The following SKOR2 variants were observed in gnomAD, a reference collection of about 807,000 sequenced individuals.
SKOR2 encodes the protein SKI family transcriptional corepressor 2.
SKOR2 carries 47 observed loss-of-function variants against 69.1 expected under a neutral mutation model. That is an observed-to-expected ratio of 0.68 (90% CI 0.54 to 0.87). The LOEUF (loss-of-function observed/expected upper bound fraction) is 0.87, where lower values mean the gene tolerates loss of function less well. Ranked by LOEUF, SKOR2 falls within the 40% of genes least tolerant of loss-of-function variation. SKOR2 has a pLI of 0.00. For missense variants in SKOR2, 1,404 were observed against 1,472.2 expected (o/e 0.95, Z 0.76); for synonymous variants, 717 against 672.6 (o/e 1.07, Z -1.02).
rs186419788 is a variant in SKOR2 at position 47,220,902 on chromosome 18, T to G, written c.2918-892A>C. Among the ~76,000 whole-genome samples the G allele has an allele frequency of 2.6e-5, 4 of 152,308 alleles. 1 individual carries two copies. In the East Asian group the frequency reaches 7.7e-4, roughly 29 times the overall value. On this transcript the variant is annotated intron_variant, in intron 6 of 8. Coordinates refer to ENST00000425639, the MANE Select transcript of SKOR2 (RefSeq NM_001278063.4). ...TTTTCTTCTCCTTTTCCTTTCATCT[T>G]CACAGCCAACTGGTGTGTGAGTTCT...
At chr18:47,244,783 T>C in intron 4 of SKOR2, 125 bp downstream of exon 4, 1 of 799,168 alleles carries the variant, frequency 1.3e-6, no homozygotes, top group South Asian at 2.3e-5. Flanking sequence ...TTTTTCTTAG[T>C]TATATCTACT....
chr18:47,220,108 C>T, intron 6 of SKOR2, 98 bp from the exon 7 acceptor site: 1 of 979,910 alleles, frequency 1.0e-6, no homozygotes, highest in South Asian at 1.6e-5. Context: ...TGGACAGCCC[C>T]CCTACTTTTA....
At chr18:47,249,435 C>T (rs1429718557) in intron 1 of SKOR2, among the ~76,000 whole-genome samples, 1 of 152,198 alleles carries the variant, frequency 6.6e-6, no homozygotes, top group Non-Finnish European at 1.5e-5. Flanking sequence ...CAGGAATTTG[C>T]ACTTCTTAAC....
chr18:47,230,853 TGGA>T lies in SKOR2; in HGVS notation c.2818+79_2818+81del, dbSNP rs984096477. 5.8e-4 allele frequency: 806 copies of T among 1,379,446 alleles called. 2 individuals carry two copies. The African/African-American group carries it at 9.5e-3, about 16-fold the overall frequency. 85.5% of individuals were successfully genotyped at this position (1,379,446 alleles called of 1,614,324 possible). ...GTTGCTTGTCAAGCTAAAAATATGG[TGGA>T]GAACAAAAATATCCTCCTATTATCT... is the stretch of plus-strand genomic sequence containing the variant. On this transcript the variant is annotated intron_variant, in intron 5 of 8. Transcript: ENST00000425639.
At chr18:47,245,477 G>GGTTTTTT (rs762834867) in intron 3 of SKOR2, 21 bp downstream of exon 3, 1 of 517,858 alleles carries the variant, frequency 1.9e-6, no homozygotes, top group Non-Finnish European at 2.6e-6. Context: ...AGTGGCAGCT[G>GGTTTTTT]ATTTTTTTTT....
intron 4 of SKOR2, chr18:47,231,230 C>T (rs547542084): frequency 1.2e-5 from 18 of 1,471,382 alleles, no homozygotes; most frequent in African/African-American, 5.6e-5. Context: ...TGGCAGCTCC[C>T]GAAAAGCAGA....
intron 8 of SKOR2, among the ~76,000 whole-genome samples, chr18:47,210,756 G>A (rs546609189): frequency 6.6e-6 from 1 of 152,064 alleles, no homozygotes; most frequent in Admixed American, 6.6e-5. Flanking sequence ...TCATAGAGAT[G>A]GAAACAGAAT....
At chr18:47,211,398 A>G (rs1336501794) in intron 8 of SKOR2, among the ~76,000 whole-genome samples, 3 of 152,182 alleles carry the variant, frequency 2.0e-5, no homozygotes, top group African/African-American at 7.2e-5. Flanking sequence ...CATTCCCACA[A>G]TTCTAATAAT....
chr18:47,207,464 A>G (rs2064116350), intron 8 of SKOR2, among the ~76,000 whole-genome samples: 1 of 152,178 alleles, frequency 6.6e-6, no homozygotes, highest in Non-Finnish European at 1.5e-5. Context: ...GTGAGACCAC[A>G]GGCAACTTAC....
intron 6 of SKOR2, among the ~76,000 whole-genome samples, chr18:47,230,138 C>T (rs2064192194): frequency 1.3e-5 from 2 of 151,730 alleles, no homozygotes; most frequent in South Asian, 2.1e-4. Flanking sequence ...GTTTTAAAAT[C>T]TATAATCGAA....
chr18:47,247,690 C>G lies in SKOR2; in HGVS notation c.1494G>C (p.Ala498=), dbSNP rs1239379750. The G allele has an allele frequency of 7.3e-7, 1 of 1,366,732 alleles. No homozygotes were observed. The allele number at this position is 1,366,732 out of a possible 1,614,324, so 84.7% of individuals were successfully genotyped here. A position where few individuals can be genotyped will look rare whatever the true frequency, so the allele number is the denominator to read the frequency against. The change falls in exon 2 of 9, where the codon GCG becomes GCC. Residue 498 remains alanine (A), a synonymous_variant. Coordinates refer to ENST00000425639, the MANE Select transcript of SKOR2 (RefSeq NM_001278063.4). The surrounding 1 kb of genome is among the most constrained non-coding windows in gnomAD (Gnocchi z 6.6). ...PPQPPSALGC[A]LGESPALLRQ... ...GCAGCAGGGCCGGGCTTTCGCCTAG[C>G]GCGCAGCCTAGCGCCGAGGGCGGCT...
chr18:47,244,823 C>T (rs1001381033), intron 4 of SKOR2, 85 bp downstream of exon 4: 2 of 1,275,962 alleles, frequency 1.6e-6, no homozygotes, highest in Non-Finnish European at 2.1e-6. Flanking sequence ...TACCCTTGTA[C>T]TAAATATTCA....
chr18:47,220,169 C>T (rs904506809), intron 6 of SKOR2, among the ~76,000 whole-genome samples, 159 bp from the exon 7 acceptor site: 19 of 152,024 alleles, frequency 1.2e-4, no homozygotes, highest in African/African-American at 4.3e-4. Context: ...ATGTTTTCAA[C>T]ACTCTATAAT....
At chr18:47,241,022 T>C (rs1209409977) in intron 4 of SKOR2, among the ~76,000 whole-genome samples, 5 of 152,228 alleles carry the variant, frequency 3.3e-5, no homozygotes, top group African/African-American at 7.2e-5. Context: ...GTTATATAAA[T>C]CTTATCAGAT....
rs2064239074 is a variant in SKOR2 at position 47,239,389 on chromosome 18, GAACT to G, written c.2752+5515_2752+5518del. On this transcript the variant is annotated intron_variant, in intron 4 of 8. Transcript: ENST00000425639. ...CACTGGAAAGCATATGCTACAGAAT[GAACT>G]AACTAAATATTAACTCCATTAGTGA... Among the ~76,000 whole-genome samples the G allele has an allele frequency of 2.6e-5, 4 of 151,918 alleles. No individual in the cohort carries two copies. In the South Asian group the frequency reaches 8.3e-4, roughly 32 times the overall value.
intron 6 of SKOR2, among the ~76,000 whole-genome samples, chr18:47,221,111 C>G (rs1489990773): frequency 6.6e-6 from 1 of 152,182 alleles, no homozygotes; most frequent in Non-Finnish European, 1.5e-5. Context: ...AAATCCTTTA[C>G]CACTCATGAG....
rs917018606 is a variant in SKOR2 at position 47,230,884 on chromosome 18, A to G, written c.2818+51T>C. 5 of 1,493,666 alleles carry G rather than the reference A, an allele frequency of 3.3e-6. No individual in the cohort carries two copies. The African/African-American group carries it at 7.0e-5, about 21-fold the overall frequency. The allele number at this position is 1,493,666 out of a possible 1,614,324, so 92.5% of individuals were successfully genotyped here. A position where few individuals can be genotyped will look rare whatever the true frequency, so the allele number is the denominator to read the frequency against. On this transcript the variant is annotated intron_variant, in intron 5 of 8. Transcript: ENST00000425639. ...ACAAAAATATCCTCCTATTATCTCC[A>G]CAGTCGTTTAAAGCTAAGAGAAGTT...
chr18:47,230,410 A>G, intron 6 of SKOR2, 49 bp downstream of exon 6: 1 of 1,108,112 alleles, frequency 9.0e-7, no homozygotes, highest in Non-Finnish European at 1.2e-6. Flanking sequence ...CTAATAATAG[A>G]AACGTAATCA....
intron 6 of SKOR2, among the ~76,000 whole-genome samples, chr18:47,225,437 G>A (rs773006627): frequency 4.6e-5 from 7 of 152,106 alleles, no homozygotes; most frequent in Non-Finnish European, 1.0e-4. Context: ...TAATCTCTTT[G>A]GGTATAACCC....
Sources: allele counts gnomAD v4.1 joint callset (sites outside exome capture counted in the v4.1 genomes callset), GRCh38; gene constraint gnomAD v4.1.1; non-coding constraint Gnocchi (gnomAD v3.1); transcripts MANE v1.5; gene names NCBI Gene and HGNC (gene_info 2026-07-23, HGNC 2026-07-21).